Variants in ZNF385D observed in about 807,000 individuals in gnomAD.
ZNF385D encodes zinc finger protein 659.
In ZNF385D, 15 loss-of-function variants were observed where a neutral mutation model predicts 35.8. That is an observed-to-expected ratio of 0.42 (90% CI 0.28 to 0.64). The LOEUF (loss-of-function observed/expected upper bound fraction) is 0.64. ZNF385D is among the 30% of genes least tolerant of loss of function. The pLI, the probability that ZNF385D is intolerant of heterozygous loss-of-function variation, is 0.23. For synonymous variants in ZNF385D, 212 were observed against 186.8 expected (o/e 1.13, Z -1.10); for missense variants, 474 against 494.6 (o/e 0.96, Z 0.39).
At chr3:21,928,703 A>T (rs1004348791) in intron 3 of ZNF385D, among the ~76,000 whole-genome samples, 7 of 152,232 alleles carry the variant, frequency 4.6e-5, no homozygotes, top group African/African-American at 1.7e-4. Flanking sequence ...AAGAAACGTT[A>T]TAACAGTATT....
chr3:21,789,478 G>C (rs1389544226), intron 3 of ZNF385D, among the ~76,000 whole-genome samples: 1 of 151,880 alleles, frequency 6.6e-6, no homozygotes, highest in Non-Finnish European at 1.5e-5. Flanking sequence ...CTCAACTATG[G>C]GCATGTGTTC....
chr3:22,282,958 G>A (rs945061249), intron 2 of ZNF385D, among the ~76,000 whole-genome samples: 2 of 151,888 alleles, frequency 1.3e-5, no homozygotes, highest in Non-Finnish European at 2.9e-5. Flanking sequence ...TGACATATAA[G>A]AACTCATAAA....
chr3:22,123,954 CTCTCTCTCTA>C (rs1426114490), intron 3 of ZNF385D, among the ~76,000 whole-genome samples: 124 of 93,734 alleles, frequency 1.3e-3, no homozygotes, highest in South Asian at 5.7e-3. Context: ...CTCTCTCTCT[CTCTCTCTCTA>C]TATATATATA....
At chr3:21,548,699 G>A (rs1263961916) in intron 3 of ZNF385D, among the ~76,000 whole-genome samples, 1 of 152,158 alleles carries the variant, frequency 6.6e-6, no homozygotes, top group South Asian at 2.1e-4. Context: ...CTTCTGTATT[G>A]TGTGCAGAAC....
rs78972371 is a variant in ZNF385D, at chr3:22,060,488, T to G, written c.325+108329A>C. Among the ~76,000 whole-genome samples, 895 of 152,314 alleles carry G rather than the reference T, an allele frequency of 5.9e-3. 10 individuals carry two copies. Among genetic ancestry groups the G allele is most frequent in the African/African-American group, 0.021 (859 of 41,572 alleles). ...GCATAGTGAGGACTTTTTCCAAAGA[T>G]GAAATTAAACCATTACTTTGTCAAT... On this transcript the variant is annotated intron_variant, in intron 3 of 5. Transcript: ENST00000494108.
At chr3:21,470,903 A>G (rs1457790533) in intron 4 of ZNF385D, among the ~76,000 whole-genome samples, 1 of 152,150 alleles carries the variant, frequency 6.6e-6, no homozygotes, top group African/African-American at 2.4e-5. Flanking sequence ...TTGCTACTGC[A>G]TTTCAACAAA....
chr3:22,264,316 AG>A (rs1284162178), intron 2 of ZNF385D, among the ~76,000 whole-genome samples: 1 of 152,052 alleles, frequency 6.6e-6, no homozygotes, highest in African/African-American at 2.4e-5. Flanking sequence ...GGAAGTTCAC[AG>A]GGTCCTGGTC....
chr3:21,889,235 G>T (rs967023941), intron 3 of ZNF385D, among the ~76,000 whole-genome samples: 1 of 152,160 alleles, frequency 6.6e-6, no homozygotes, highest in Non-Finnish European at 1.5e-5. Context: ...GTTTCTCATG[G>T]ATCAGATGGA....
intron 2 of ZNF385D, among the ~76,000 whole-genome samples, chr3:21,619,023 C>T (rs1371110754): frequency 1.3e-5 from 2 of 152,220 alleles, no homozygotes; most frequent in Non-Finnish European, 2.9e-5. Context: ...CTTCTCACAT[C>T]AGGGAGCCAA....
intron 2 of ZNF385D, among the ~76,000 whole-genome samples, chr3:22,260,921 A>G (rs1006747551): frequency 4.6e-5 from 7 of 152,196 alleles, no homozygotes; most frequent in African/African-American, 1.7e-4. Flanking sequence ...CCTAACCATT[A>G]TGCTACTATT....
Position 22,310,614 on chromosome 3 carries a change from A to G in ZNF385D, c.106+61836T>C, listed in dbSNP as rs374111948. The stretch of plus-strand genomic sequence containing the variant: ...AAATGACATCTTTAAATATTTTTAT[A>G]TTTACCCTTATGTTGCTTTCTTAGA... On this transcript the variant is annotated intron_variant, in intron 2 of 5. Coordinates refer to the ZNF385D transcript ENST00000494108. Among the ~76,000 whole-genome samples, 61 of 152,024 alleles carry G rather than the reference A, an allele frequency of 4.0e-4. 1 individual carries two copies. The South Asian group carries it at 7.0e-3, about 18-fold the overall frequency.
At chr3:21,886,053 A>C (rs935282962) in intron 3 of ZNF385D, among the ~76,000 whole-genome samples, 1 of 152,154 alleles carries the variant, frequency 6.6e-6, no homozygotes. Flanking sequence ...ATGTTTGACC[A>C]AATATCTGGG....
intron 2 of ZNF385D, among the ~76,000 whole-genome samples, chr3:21,621,553 C>CTGTGTGTGTG (rs1259386051): frequency 4.0e-5 from 2 of 50,202 alleles, no homozygotes; most frequent in East Asian, 1.2e-3. Flanking sequence ...AAAAAAATTC[C>CTGTGTGTGTG]CGTGTGTGTG....
At chr3:22,359,393 A>C (rs1696311410) in intron 2 of ZNF385D, among the ~76,000 whole-genome samples, 1 of 151,932 alleles carries the variant, frequency 6.6e-6, no homozygotes, top group Non-Finnish European at 1.5e-5. Context: ...TTTTGTTCAA[A>C]AATGAAGCAA....
intron 3 of ZNF385D, among the ~76,000 whole-genome samples, chr3:22,141,650 A>G (rs927263299): frequency 4.0e-5 from 6 of 149,744 alleles, no homozygotes; most frequent in Non-Finnish European, 8.9e-5. Flanking sequence ...GTTAAGAACC[A>G]AAAGCACCGC....
intron 3 of ZNF385D, among the ~76,000 whole-genome samples, chr3:21,991,720 C>A (rs1290773153): frequency 6.6e-6 from 1 of 152,176 alleles, no homozygotes; most frequent in East Asian, 1.9e-4. Flanking sequence ...AGGATTGCTT[C>A]ATGGTCCAGA....
chr3:21,886,504 A>C (rs1304145429), intron 3 of ZNF385D, among the ~76,000 whole-genome samples: 1 of 151,958 alleles, frequency 6.6e-6, no homozygotes, highest in Non-Finnish European at 1.5e-5. Context: ...ATTGTGACTA[A>C]CTCTGTTCCT....
chr3:22,017,050 T>A (rs35730006), intron 3 of ZNF385D, among the ~76,000 whole-genome samples: 1 of 151,994 alleles, frequency 6.6e-6, no homozygotes, highest in East Asian at 1.9e-4. Context: ...TCTTTAAATT[T>A]TTCAAATGTT....
intron 3 of ZNF385D, among the ~76,000 whole-genome samples, chr3:21,514,720 A>G (rs1036160822): frequency 2.0e-5 from 3 of 151,934 alleles, no homozygotes; most frequent in Admixed American, 1.3e-4. Context: ...AATGTTATTC[A>G]GGCACATGAG....
Sources: gnomAD v4.1 joint callset for allele counts (sites outside exome capture counted in the v4.1 genomes callset) on GRCh38, gnomAD v4.1.1 for gene constraint, MANE v1.5 for transcripts, NCBI Gene and HGNC (gene_info 2026-07-23, HGNC 2026-07-21) for gene names.